GRIA3: variants seen among roughly 807,000 people sequenced by gnomAD.
GRIA3 encodes glutamate receptor 3.
Under a neutral mutation model 63.0 loss-of-function variants are expected in GRIA3, and 3 were observed. The observed-to-expected ratio is 0.05, with a 90% CI of 0.02 to 0.12. The LOEUF (loss-of-function observed/expected upper bound fraction) is 0.12, where lower values mean the gene tolerates loss of function less well. Among genes scored for constraint, GRIA3 ranks in the 10% least tolerant of loss-of-function variants. The pLI is 1.00. For missense variants in GRIA3, 347 were observed against 700.9 expected, an observed-to-expected ratio of 0.50 and a Z score of 5.70; for synonymous variants, 274 against 257.9, an observed-to-expected ratio of 1.06 and a Z score of -0.60.
chrX:123,329,759 C>T (rs2044928134), intron 4 of GRIA3, among the ~76,000 whole-genome samples: 1 of 111,711 alleles, frequency 9.0e-6, no homozygotes, highest in Non-Finnish European at 1.9e-5. Context: ...AACCATTGGC[C>T]TGACCCAATA....
At chrX:123,266,218 AT>A (rs1268724242) in intron 3 of GRIA3, among the ~76,000 whole-genome samples, 2 of 112,111 alleles carry the variant, frequency 1.8e-5, no homozygotes, top group Non-Finnish European at 3.8e-5. Flanking sequence ...AACAGTTGCA[AT>A]TTCACATGGG....
intron 4 of GRIA3, among the ~76,000 whole-genome samples, chrX:123,352,798 G>A (rs927475981): frequency 9.0e-6 from 1 of 110,983 alleles, no homozygotes; most frequent in Non-Finnish European, 1.9e-5. Context: ...GCCACCAAAA[G>A]TTAACAAATG....
chrX:123,389,113 T>A (rs1391647662), intron 5 of GRIA3, among the ~76,000 whole-genome samples: 1 of 112,426 alleles, frequency 8.9e-6, no homozygotes, highest in Non-Finnish European at 1.9e-5. Flanking sequence ...CTAAATTTTT[T>A]TGAGACTTGT....
At chrX:123,381,825 G>A (rs909942806) in intron 5 of GRIA3, among the ~76,000 whole-genome samples, 6 of 112,050 alleles carry the variant, frequency 5.4e-5, no homozygotes, top group African/African-American at 1.9e-4. Flanking sequence ...ATGACGAAGA[G>A]TCAACAAACT....
intron 3 of GRIA3, among the ~76,000 whole-genome samples, chrX:123,288,109 C>T (rs1261967784): frequency 8.9e-6 from 1 of 112,310 alleles, no homozygotes; most frequent in African/African-American, 3.2e-5. Flanking sequence ...AGAAATAATG[C>T]CACACATCTA....
At chrX:123,345,897 A>C (rs1302160894) in intron 4 of GRIA3, among the ~76,000 whole-genome samples, 6 of 111,347 alleles carry the variant, frequency 5.4e-5, no homozygotes, top group Non-Finnish European at 1.1e-4. Context: ...ATTTCTACAG[A>C]GAGGGATGAA....
intron 12 of GRIA3, among the ~76,000 whole-genome samples, chrX:123,456,131 T>C (rs945320227): frequency 3.6e-5 from 4 of 111,303 alleles, no homozygotes; most frequent in Admixed American, 2.9e-4. Context: ...TTCCATCTTT[T>C]ATAAAATGGG....
rs1434185627 is a variant in GRIA3, at chrX:123,184,314, G to A, written c.-222G>A. The A allele has an allele frequency of 2.4e-6, 1 of 423,827 alleles. No homozygotes were observed. The highest frequency in any genetic ancestry group is 4.0e-5 in the East Asian group (1 of 25,132). The allele number at this position is 423,827 out of a possible 1,213,427, so 34.9% of individuals were successfully genotyped here. A position where few individuals can be genotyped will look rare whatever the true frequency, so the allele number is the denominator to read the frequency against. ...AGAGAGCGAGCGAGAGAGAGCGAGC[G>A]AATAAGAGAGAGAGTAAGAGGGAGA... On this transcript the variant is annotated 5_prime_UTR_variant, in exon 1 of 16. Coordinates refer to ENST00000620443, the MANE Select transcript of GRIA3 (RefSeq NM_007325.5).
intron 2 of GRIA3, among the ~76,000 whole-genome samples, chrX:123,207,756 C>G (rs767539991): frequency 7.6e-4 from 85 of 111,537 alleles, no homozygotes; most frequent in African/African-American, 2.7e-3. Context: ...GGAGAAAAGC[C>G]TGGGTTTTCA....
intron 3 of GRIA3, among the ~76,000 whole-genome samples, chrX:123,321,546 A>G (rs1354800770): frequency 8.9e-6 from 1 of 111,986 alleles, no homozygotes; most frequent in Non-Finnish European, 1.9e-5. Flanking sequence ...TCAATATCCT[A>G]CTTATTGTTC....
At chrX:123,380,994 T>C (rs1448975637) in intron 5 of GRIA3, among the ~76,000 whole-genome samples, 2 of 111,423 alleles carry the variant, frequency 1.8e-5, no homozygotes, top group Admixed American at 9.6e-5. Context: ...CAACTTGTTT[T>C]AGAAGAAAAA....
In GRIA3 at chrX:123,400,238, T is replaced by C. The variant is rs1381010666; in HGVS notation, c.1080+1435T>C. Among the ~76,000 whole-genome samples the C allele has an allele frequency of 2.7e-5, 3 of 111,518 alleles. No homozygotes were observed. The East Asian group carries it at 8.4e-4, about 31-fold the overall frequency. On this transcript the variant is annotated intron_variant, in intron 7 of 15. Coordinates refer to ENST00000620443, the MANE Select transcript of GRIA3 (RefSeq NM_007325.5). ...CTAGGAAAAAAAAATAGATTGATCA[T>C]ACTACTGCACAGAAAAGTTTCTGCA...
intron 12 of GRIA3, among the ~76,000 whole-genome samples, chrX:123,458,760 A>T (rs1219019321): frequency 8.9e-6 from 1 of 111,771 alleles, no homozygotes; most frequent in Non-Finnish European, 1.9e-5. Flanking sequence ...TGCAAAACAT[A>T]AATGTAAAAG....
At chrX:123,206,669 TCTCTTGGTACC>T (rs1927897242) in intron 2 of GRIA3, among the ~76,000 whole-genome samples, 2 of 111,223 alleles carry the variant, frequency 1.8e-5, no homozygotes, top group Non-Finnish European at 3.8e-5. Flanking sequence ...TATCTGAGTC[TCTCTTGGTACC>T]CCCAACCTGT....
At chrX:123,315,088 G>C (rs1436596277) in intron 3 of GRIA3, among the ~76,000 whole-genome samples, 1 of 111,597 alleles carries the variant, frequency 9.0e-6, no homozygotes, top group Non-Finnish European at 1.9e-5. Context: ...CTGGGAAACT[G>C]GGGTCACCTT....
Position 123,487,274 on chromosome X carries a change from C to T in GRIA3, c.*3-1439C>T, listed in dbSNP as rs2045946968. On this transcript the variant is annotated intron_variant, in intron 15 of 15. Coordinates refer to ENST00000620443, the MANE Select transcript of GRIA3 (RefSeq NM_007325.5). ...AATTGCAGTTCAGAAGTACTTCTGGCTTCTTTGGTTTCTTCAAAAATATTT... is the reference window on the plus strand; with the variant it reads ...AATTGCAGTTCAGAAGTACTTCTGGTTTCTTTGGTTTCTTCAAAAATATTT... 1.8e-5 allele frequency among the ~76,000 whole-genome samples: 2 copies of T among 112,975 alleles called. 1 individual carries two copies. The highest frequency in any genetic ancestry group is 7.2e-4 in the South Asian group (2 of 2,783).
At chrX:123,366,529 T>C (rs2227097) in intron 5 of GRIA3, among the ~76,000 whole-genome samples, 43,132 of 110,741 alleles carry the variant, frequency 0.39, 6,316 homozygotes, top group Middle Eastern at 0.58. Context: ...AAAGGTGATA[T>C]CTGGAAAATT....
intron 2 of GRIA3, among the ~76,000 whole-genome samples, chrX:123,190,419 A>G (rs1927399623): frequency 9.1e-6 from 1 of 110,072 alleles, no homozygotes; most frequent in South Asian, 3.9e-4. Context: ...CGTTTTCACA[A>G]GGTTTATTAC....
intron 12 of GRIA3, among the ~76,000 whole-genome samples, chrX:123,463,688 G>GAGAA (rs2045814852): frequency 3.8e-5 from 2 of 53,185 alleles, no homozygotes; most frequent in Non-Finnish European, 6.7e-5. Context: ...AAGAAAGAGA[G>GAGAA]AGAAAGAAAG....
Sources: gnomAD v4.1 joint callset for allele counts (sites outside exome capture counted in the v4.1 genomes callset) on GRCh38, gnomAD v4.1.1 for gene constraint, MANE v1.5 for transcripts, NCBI Gene and HGNC (gene_info 2026-07-23, HGNC 2026-07-21) for gene names.